RSRC1: variants seen among roughly 807,000 people sequenced by gnomAD.
The protein encoded by RSRC1 is arginine and serine rich coiled-coil 1.
RSRC1 carries 39 observed loss-of-function variants against 49.1 expected under a neutral mutation model. The ratio of observed to expected loss-of-function variants is 0.79; its 90% CI spans 0.61 to 1.04. The LOEUF (loss-of-function observed/expected upper bound fraction) is 1.04, where lower values mean the gene tolerates loss of function less well. Ranked by LOEUF, RSRC1 falls within the 50% of genes least tolerant of loss-of-function variation. RSRC1 has a pLI of 0.00. For missense variants in RSRC1, 388 were observed against 402.4 expected (o/e 0.96, Z 0.31); for synonymous variants, 143 against 130.8 (o/e 1.09, Z -0.63).
chr3:158,120,810 TG>T (rs1715206548), intron 1 of RSRC1, among the ~76,000 whole-genome samples: 1 of 150,630 alleles, frequency 6.6e-6, no homozygotes, highest in African/African-American at 2.4e-5. Context: ...TTAAAGATGA[TG>T]TGAGCTTTTA....
At chr3:158,360,949 TG>T (rs567440593) in intron 6 of RSRC1, among the ~76,000 whole-genome samples, 4 of 152,006 alleles carry the variant, frequency 2.6e-5, no homozygotes, top group African/African-American at 9.7e-5. Context: ...CAGCCTGGGG[TG>T]GGGGTTCCAG....
At chr3:158,160,011 A>G (rs1424011109) in intron 3 of RSRC1, among the ~76,000 whole-genome samples, 1 of 152,192 alleles carries the variant, frequency 6.6e-6, no homozygotes, top group African/African-American at 2.4e-5. Context: ...GAATGCACTG[A>G]TAAAAACAAC....
chr3:158,375,294 T>C (rs1190785540), intron 6 of RSRC1, among the ~76,000 whole-genome samples: 4 of 151,364 alleles, frequency 2.6e-5, no homozygotes, highest in Non-Finnish European at 5.9e-5. Context: ...CCTCCTGGAC[T>C]CAGGTGAGCC....
At chr3:158,326,267 T>C (rs1430961098) in intron 5 of RSRC1, among the ~76,000 whole-genome samples, 1 of 152,230 alleles carries the variant, frequency 6.6e-6, no homozygotes, top group Non-Finnish European at 1.5e-5. Flanking sequence ...CAACACTATG[T>C]TGAATAGGAG....
chr3:158,470,317 TAGA>T (rs1738071587), intron 7 of RSRC1, among the ~76,000 whole-genome samples: 2 of 130,906 alleles, frequency 1.5e-5, no homozygotes, highest in Non-Finnish European at 3.2e-5. Flanking sequence ...TCTCTGCTCT[TAGA>T]AACACACACA....
intron 6 of RSRC1, among the ~76,000 whole-genome samples, chr3:158,423,203 G>A (rs1479749835): frequency 1.3e-5 from 2 of 152,078 alleles, no homozygotes; most frequent in African/African-American, 4.8e-5. Flanking sequence ...GGTTTTTATG[G>A]TTTTAGGTCT....
In RSRC1 at chr3:158,113,079, A is replaced by G. The variant is rs139334535; in HGVS notation, c.-3+2856A>G. On this transcript the variant is annotated intron_variant, in intron 1 of 9. Coordinates refer to ENST00000611884, the MANE Select transcript of RSRC1 (RefSeq NM_001271838.2). The stretch of plus-strand genomic sequence containing the variant: ...TTTAGTTTGATTTTGTGTCTTTGCT[A>G]TTGTGAATAATGCTGCAGTGAACAT... Among the ~76,000 whole-genome samples, 304 of 152,102 alleles carry G rather than the reference A, an allele frequency of 2.0e-3. 2 individuals are homozygous for G. Among genetic ancestry groups the G allele is most frequent in the Admixed American group, 0.013 (203 of 15,272 alleles).
At chr3:158,224,484 G>A (rs540865792) in intron 4 of RSRC1, among the ~76,000 whole-genome samples, 4 of 151,798 alleles carry the variant, frequency 2.6e-5, no homozygotes, top group African/African-American at 7.2e-5. Flanking sequence ...TTGTACTAAC[G>A]GTAGCACTTG....
chr3:158,532,191 T>A (rs180822456), intron 7 of RSRC1, among the ~76,000 whole-genome samples: 1 of 151,990 alleles, frequency 6.6e-6, no homozygotes, highest in African/African-American at 2.4e-5. Context: ...TGACCCAAAT[T>A]TTTTGTAACA....
intron 6 of RSRC1, among the ~76,000 whole-genome samples, chr3:158,364,942 ATT>A (rs990219247): frequency 5.9e-5 from 9 of 151,722 alleles, no homozygotes; most frequent in African/African-American, 2.2e-4. Context: ...CCTTATAGAG[ATT>A]TATAAATAAT....
intron 4 of RSRC1, among the ~76,000 whole-genome samples, chr3:158,293,971 T>C (rs1727089255): frequency 6.6e-6 from 1 of 152,100 alleles, no homozygotes; most frequent in Admixed American, 6.6e-5. Flanking sequence ...TAATCCATTA[T>C]AGTCTTAAAT....
At chr3:158,460,371 C>G (rs950748724) in intron 6 of RSRC1, among the ~76,000 whole-genome samples, 19 of 151,698 alleles carry the variant, frequency 1.3e-4, no homozygotes, top group African/African-American at 4.4e-4. Flanking sequence ...GTTTGAAAAC[C>G]CCTGCAGTTG....
intron 6 of RSRC1, among the ~76,000 whole-genome samples, chr3:158,408,767 C>T (rs1215559012): frequency 6.6e-5 from 10 of 152,064 alleles, no homozygotes; most frequent in Non-Finnish European, 5.9e-5. Context: ...CGTGGTGGCT[C>T]GTGCCTGTAA....
At chr3:158,438,443 A>G (rs1736171221) in intron 6 of RSRC1, among the ~76,000 whole-genome samples, 1 of 152,150 alleles carries the variant, frequency 6.6e-6, no homozygotes, top group Non-Finnish European at 1.5e-5. Context: ...AGTAACCAAA[A>G]CAGCGTGATA....
intron 4 of RSRC1, among the ~76,000 whole-genome samples, chr3:158,239,375 A>G (rs1445161380): frequency 2.6e-5 from 4 of 152,228 alleles, no homozygotes; most frequent in Non-Finnish European, 5.9e-5. Context: ...TACCCAAAGG[A>G]TTATAAATCA....
intron 5 of RSRC1, among the ~76,000 whole-genome samples, chr3:158,353,617 A>G (rs575746682): frequency 6.6e-6 from 1 of 152,280 alleles, no homozygotes; most frequent in South Asian, 2.1e-4. Context: ...TGTTTCCTAT[A>G]GGTTTTCCAG....
At chr3:158,140,947 A>G (rs1716706250) in intron 3 of RSRC1, among the ~76,000 whole-genome samples, 1 of 152,228 alleles carries the variant, frequency 6.6e-6, no homozygotes, top group African/African-American at 2.4e-5. Context: ...TGACTATGGA[A>G]GCAAAGCTCT....
chr3:158,488,040 G>T (rs908562246), intron 7 of RSRC1, among the ~76,000 whole-genome samples: 1 of 142,034 alleles, frequency 7.0e-6, no homozygotes, highest in Admixed American at 7.3e-5. Flanking sequence ...ACTCTGTTAA[G>T]AAAGACTGCC....
chr3:158,375,391 A>G (rs943191407), intron 6 of RSRC1, among the ~76,000 whole-genome samples: 2 of 148,284 alleles, frequency 1.3e-5, no homozygotes, highest in African/African-American at 5.0e-5. Flanking sequence ...TTAATGAGAT[A>G]TGGTTTTGCC....
Sources: allele counts gnomAD v4.1 joint callset (sites outside exome capture counted in the v4.1 genomes callset), GRCh38; gene constraint gnomAD v4.1.1; transcripts MANE v1.5; gene names NCBI Gene and HGNC (gene_info 2026-07-23, HGNC 2026-07-21).